PLXNA4: variants seen among roughly 807,000 people sequenced by gnomAD.
PLXNA4 encodes plexin-A4.
Under a neutral mutation model 191.8 loss-of-function variants are expected in PLXNA4, and 44 were observed. That is an observed-to-expected ratio of 0.23 (90% CI 0.18 to 0.29). The LOEUF is 0.29. PLXNA4 is among the 10% of genes least tolerant of loss of function. The pLI is 1.00. For missense variants in PLXNA4, 1,800 were observed against 2,488.8 expected, an observed-to-expected ratio of 0.72 and a Z score of 5.89; for synonymous variants, 1,082 against 1,009.5, an observed-to-expected ratio of 1.07 and a Z score of -1.36.
At chr7:132,611,548 C>T (rs1165174185) in intron 2 of PLXNA4, among the ~76,000 whole-genome samples, 1 of 152,234 alleles carries the variant, frequency 6.6e-6, no homozygotes, top group Non-Finnish European at 1.5e-5. Context: ...GGCTACTGTG[C>T]TGTGCCCACG....
intron 1 of PLXNA4, among the ~76,000 whole-genome samples, chr7:132,538,627 C>T (rs1799946822): frequency 6.6e-6 from 1 of 152,208 alleles, no homozygotes; most frequent in African/African-American, 2.4e-5. Context: ...GAATCCATCC[C>T]TCACAACTAT....
At chr7:132,566,223 G>A (rs1801716809) in intron 1 of PLXNA4, among the ~76,000 whole-genome samples, 1 of 152,066 alleles carries the variant, frequency 6.6e-6, no homozygotes, top group Non-Finnish European at 1.5e-5. Flanking sequence ...ATCCCCAAGT[G>A]ATTCAAACCC....
chr7:132,306,444 C>T (rs1189009905), intron 3 of PLXNA4, among the ~76,000 whole-genome samples: 1 of 152,144 alleles, frequency 6.6e-6, no homozygotes, highest in South Asian at 2.1e-4. Flanking sequence ...CCTTGGCAAG[C>T]AATGAGTGAC....
At position 132,181,605 on chromosome 7, in the gene PLXNA4, T is replaced by C; in HGVS notation, c.3268A>G (p.Asn1090Asp). The change falls in exon 18 of 32, where the codon AAC (asparagine) becomes GAC (aspartate). Residue 1090 changes from asparagine (N) to aspartate (D), a missense_variant. Transcript: ENST00000321063. ...KEHINICEVL[N>D]ATEMTCQAPA... The stretch of plus-strand genomic sequence containing the variant: ...GCCTGACAGGTCATCTCAGTAGCGT[T>C]CAGAACCTCACAGATCTGTGGGAGG... The C allele has an allele frequency of 6.2e-7, 1 of 1,614,062 alleles. No individual in the cohort carries two copies. The highest frequency in any genetic ancestry group is 1.1e-5 in the South Asian group (1 of 91,074).
intron 4 of PLXNA4, among the ~76,000 whole-genome samples, chr7:132,274,424 T>G (rs955077900): frequency 6.6e-6 from 1 of 152,174 alleles, no homozygotes; most frequent in African/African-American, 2.4e-5. Flanking sequence ...CCATGTCCTA[T>G]GCTCAAAACC....
chr7:132,511,552 C>T (rs535028741), intron 1 of PLXNA4, among the ~76,000 whole-genome samples: 35 of 152,284 alleles, frequency 2.3e-4, no homozygotes, highest in African/African-American at 4.1e-4. Context: ...TAGATAACAC[C>T]GATCAGGTGA....
At chr7:132,351,958 G>A (rs1464817847) in intron 3 of PLXNA4, among the ~76,000 whole-genome samples, 3 of 152,300 alleles carry the variant, frequency 2.0e-5, no homozygotes, top group South Asian at 2.1e-4. Context: ...ATTAGGCTGC[G>A]AATCAAATTA....
chr7:132,133,267 C>G, intron 30 of PLXNA4, 68 bp from the exon 31 acceptor site: 1 of 1,571,006 alleles, frequency 6.4e-7, no homozygotes, highest in Non-Finnish European at 8.6e-7. Context: ...ATGGATGCTC[C>G]CAGCACCGTG....
intron 3 of PLXNA4, among the ~76,000 whole-genome samples, chr7:132,437,632 G>C (rs1419964566): frequency 6.6e-6 from 1 of 151,148 alleles, no homozygotes; most frequent in East Asian, 1.9e-4. Flanking sequence ...GAGATCCTTA[G>C]CTTGTTGCAC....
intron 4 of PLXNA4, among the ~76,000 whole-genome samples, chr7:132,284,392 A>G (rs926500637): frequency 1.3e-5 from 2 of 152,230 alleles, no homozygotes; most frequent in African/African-American, 4.8e-5. Context: ...TCATGTGAAT[A>G]TCATTTGTCT....
chr7:132,208,699 C>T (rs1269814041), intron 10 of PLXNA4, among the ~76,000 whole-genome samples: 1 of 152,200 alleles, frequency 6.6e-6, no homozygotes, highest in Non-Finnish European at 1.5e-5. Context: ...AGCTATGTCA[C>T]TTGCTGATTT....
chr7:132,378,759 C>T (rs1307741872), intron 3 of PLXNA4, among the ~76,000 whole-genome samples: 1 of 151,948 alleles, frequency 6.6e-6, no homozygotes, highest in Non-Finnish European at 1.5e-5. Flanking sequence ...TGAAATTTCA[C>T]TCAATGGTAT....
intron 31 of PLXNA4, among the ~76,000 whole-genome samples, chr7:132,132,253 C>T (rs753283760): frequency 5.9e-5 from 9 of 152,204 alleles, no homozygotes; most frequent in Non-Finnish European, 1.2e-4. Flanking sequence ...CTGCTCCTGA[C>T]CCCATGCATA....
intron 3 of PLXNA4, among the ~76,000 whole-genome samples, chr7:132,326,690 C>T (rs1028247991): frequency 7.2e-5 from 11 of 152,192 alleles, no homozygotes; most frequent in Admixed American, 2.6e-4. Flanking sequence ...GCTGATGGTT[C>T]CCATTCCTCT....
intron 10 of PLXNA4, among the ~76,000 whole-genome samples, chr7:132,207,321 C>T (rs547367236): frequency 1.2e-4 from 18 of 152,356 alleles, no homozygotes; most frequent in Non-Finnish European, 2.2e-4. Context: ...AGCATGAGTC[C>T]GCGGAAGCTG....
At chr7:132,562,865 T>TCTC (rs1206472791) in intron 1 of PLXNA4, among the ~76,000 whole-genome samples, 11 of 56,058 alleles carry the variant, frequency 2.0e-4, no homozygotes, top group Non-Finnish European at 3.3e-4. Context: ...TCCTCCTCCT[T>TCTC]CTCCTCCTCC....
chr7:132,391,396 T>C (rs926253003), intron 3 of PLXNA4, among the ~76,000 whole-genome samples: 1 of 152,226 alleles, frequency 6.6e-6, no homozygotes, highest in Non-Finnish European at 1.5e-5. Context: ...TGGGGACAGC[T>C]TGTGCTGATA....
At chr7:132,411,086 G>A (rs952613974) in intron 3 of PLXNA4, among the ~76,000 whole-genome samples, 1 of 152,206 alleles carries the variant, frequency 6.6e-6, no homozygotes, top group African/African-American at 2.4e-5. Context: ...AATAGAGAAC[G>A]AAAAGAATGT....
chr7:132,484,216 G>T lies in PLXNA4; in HGVS notation c.1371+5076C>A, dbSNP rs111597881. On this transcript the variant is annotated intron_variant, in intron 3 of 31. Transcript: ENST00000321063. ...AACATAGCAGAAGAGATTGAAACAAGGTGGGAGGAAGGCCCATGAGAAGTG... is the reference window on the plus strand; with the variant it reads ...AACATAGCAGAAGAGATTGAAACAATGTGGGAGGAAGGCCCATGAGAAGTG... Among the ~76,000 whole-genome samples, 217 of 152,320 alleles carry T rather than the reference G, an allele frequency of 1.4e-3. 1 individual carries two copies. The highest frequency in any genetic ancestry group is 4.9e-3 in the African/African-American group (205 of 41,568).
Sources: gnomAD v4.1 joint callset for allele counts (sites outside exome capture counted in the v4.1 genomes callset) on GRCh38, gnomAD v4.1.1 for gene constraint, MANE v1.5 for transcripts, NCBI Gene and HGNC (gene_info 2026-07-23, HGNC 2026-07-21) for gene names.